The following UNC13B variants were observed in gnomAD, a reference collection of about 807,000 sequenced individuals.
UNC13B encodes the protein protein unc-13 homolog B.
In UNC13B, 144 loss-of-function variants were observed where a neutral mutation model predicts 211.0. That is an observed-to-expected ratio of 0.68 (90% CI 0.60 to 0.78). UNC13B has a LOEUF of 0.78. Among genes scored for constraint, UNC13B ranks in the 30% least tolerant of loss-of-function variants. The pLI, the probability that UNC13B is intolerant of heterozygous loss-of-function variation, is 0.00. For missense variants in UNC13B, 1,777 were observed against 2,002.0 expected, an observed-to-expected ratio of 0.89 and a Z score of 2.14; for synonymous variants, 709 against 725.8, an observed-to-expected ratio of 0.98 and a Z score of 0.37.
chr9:35,339,496 T>C (rs1831858771), intron 11 of UNC13B, among the ~76,000 whole-genome samples: 1 of 152,218 alleles, frequency 6.6e-6, no homozygotes, highest in African/African-American at 2.4e-5. Context: ...GTGGGCCCTG[T>C]AGAACAGTGG....
intron 11 of UNC13B, chr9:35,352,666 C>T: frequency 1.6e-6 from 2 of 1,231,992 alleles, no homozygotes; most frequent in Admixed American, 8.4e-5. Context: ...TACTCAAGAA[C>T]AATTTATCAA....
At chr9:35,342,649 C>G (rs1037874225) in intron 11 of UNC13B, among the ~76,000 whole-genome samples, 2 of 151,460 alleles carry the variant, frequency 1.3e-5, no homozygotes, top group African/African-American at 4.9e-5. Flanking sequence ...TCTGTTTCTC[C>G]TTTTTCATGT....
At chr9:35,188,869 A>T (rs1008242590) in intron 1 of UNC13B, among the ~76,000 whole-genome samples, 2 of 152,202 alleles carry the variant, frequency 1.3e-5, no homozygotes, top group African/African-American at 4.8e-5. Context: ...AGATGATTCC[A>T]TCTAATTTTA....
intron 11 of UNC13B, among the ~76,000 whole-genome samples, chr9:35,336,564 A>G (rs959301824): frequency 5.9e-5 from 9 of 152,108 alleles, no homozygotes; most frequent in Admixed American, 5.9e-4. Flanking sequence ...TGGTGTGATC[A>G]TGGCTCACTG....
intron 4 of UNC13B, 88 bp downstream of exon 4, chr9:35,236,674 T>C (rs973496767): frequency 1.7e-6 from 2 of 1,173,604 alleles, no homozygotes; most frequent in Admixed American, 1.8e-5. Flanking sequence ...TATTCATCCA[T>C]GCATCTTGGA....
intron 11 of UNC13B, chr9:35,352,649 T>C: frequency 8.1e-7 from 1 of 1,232,108 alleles, no homozygotes; most frequent in Non-Finnish European, 1.0e-6. Context: ...GCAAGGCCCT[T>C]GCTTTCTACT....
intron 1 of UNC13B, among the ~76,000 whole-genome samples, chr9:35,202,249 T>C (rs1364328729): frequency 6.6e-6 from 1 of 152,230 alleles, no homozygotes; most frequent in Non-Finnish European, 1.5e-5. Flanking sequence ...AGGAGTGCTT[T>C]ACTTCCAAAC....
At chr9:35,241,723 A>G (rs1057240609) in intron 5 of UNC13B, among the ~76,000 whole-genome samples, 3 of 152,214 alleles carry the variant, frequency 2.0e-5, no homozygotes, top group African/African-American at 7.2e-5. Context: ...CAGCAGCAGC[A>G]GCTCCTCTGC....
At chr9:35,379,699 C>T (rs1161535638) in intron 17 of UNC13B, among the ~76,000 whole-genome samples, 3 of 152,190 alleles carry the variant, frequency 2.0e-5, no homozygotes, top group African/African-American at 7.2e-5. Context: ...ATGAATAGAA[C>T]AATCCCTGGC....
chr9:35,375,308 A>G lies in UNC13B; in HGVS notation c.9615+107A>G, dbSNP rs942628342. 30 of 1,200,738 alleles carry G rather than the reference A, an allele frequency of 2.5e-5. No homozygotes were observed. The Admixed American group carries it at 5.0e-4, about 20-fold the overall frequency. 74.4% of individuals were successfully genotyped at this position (1,200,738 alleles called of 1,614,324 possible). On this transcript the variant is annotated intron_variant, in intron 14 of 39. Coordinates refer to ENST00000635942, the MANE Select transcript of UNC13B (RefSeq NM_001371189.2). ...AATTCTGGGAATTCAAGAGTGCTGG[A>G]CACACATTGCTGATGAAAAAGATAG...
intron 7 of UNC13B, among the ~76,000 whole-genome samples, chr9:35,286,472 A>G (rs1177865381): frequency 2.0e-5 from 3 of 151,832 alleles, no homozygotes; most frequent in Non-Finnish European, 4.4e-5. Flanking sequence ...ACCTCAAATG[A>G]TCCACCCACC....
intron 5 of UNC13B, among the ~76,000 whole-genome samples, chr9:35,239,940 T>G (rs376508702): frequency 1.3e-3 from 198 of 152,278 alleles, no homozygotes; most frequent in African/African-American, 4.5e-3. Flanking sequence ...TTTAAACAAT[T>G]TGTGCAGTTA....
chr9:35,238,803 C>T (rs1169740626), intron 5 of UNC13B, among the ~76,000 whole-genome samples: 1 of 152,090 alleles, frequency 6.6e-6, no homozygotes, highest in East Asian at 1.9e-4. Flanking sequence ...AACGATCCGC[C>T]CACCTCTGCT....
chr9:35,298,334 T>C (rs1019592830), intron 8 of UNC13B, among the ~76,000 whole-genome samples: 2 of 152,074 alleles, frequency 1.3e-5, no homozygotes, highest in African/African-American at 4.8e-5. Flanking sequence ...TTGGGAGAGA[T>C]TGCTTGAGTC....
At chr9:35,273,909 CTT>C (rs1828029726) in intron 7 of UNC13B, among the ~76,000 whole-genome samples, 1 of 152,150 alleles carries the variant, frequency 6.6e-6, no homozygotes, top group Admixed American at 6.6e-5. Flanking sequence ...TCCAGGATAC[CTT>C]TCTTTTATTC....
In UNC13B at chr9:35,162,035, G is replaced by A; in HGVS notation, c.-249G>A. ...GTCCCGGCAGCTCCTACCTCCCAGC[G>A]ATGGCGTCGCTGTGCCGCGCCCAGT... On this transcript the variant is annotated 5_prime_UTR_variant, in exon 1 of 40. Transcript: ENST00000635942. 1.8e-6 allele frequency: 1 copy of A among 550,774 alleles called. No individual in the cohort carries two copies. The highest frequency in any genetic ancestry group is 3.5e-5 in the East Asian group (1 of 28,708). 34.1% of individuals were successfully genotyped at this position (550,774 alleles called of 1,614,324 possible).
At position 35,237,763 on chromosome 9, in the gene UNC13B, T is replaced by G; in HGVS notation, c.331T>G (p.Cys111Gly). ...GACGTTAATGAAAGACGATGAGATC[T>G]GTGGAACTAGAAACCCAACTCCTCA... Reference protein sequence around the residue: ...AETLMKDDEICGTRNPTPHKI... With the variant: ...AETLMKDDEIGGTRNPTPHKI... Residue 111 changes from cysteine to glycine, a missense_variant, in exon 5 of 40, where the codon TGT (cysteine) becomes GGT (glycine). By Grantham distance (159) the Cys-to-Gly change is radical (BLOSUM62 -3). Coordinates refer to ENST00000635942, the MANE Select transcript of UNC13B (RefSeq NM_001371189.2). The G allele has an allele frequency of 6.2e-7, 1 of 1,614,024 alleles. No homozygotes were observed.
chr9:35,252,025 T>A (rs10972406), intron 6 of UNC13B, among the ~76,000 whole-genome samples: 54,053 of 152,046 alleles, frequency 0.36, 10,086 homozygotes, highest in Admixed American at 0.42. Context: ...TCATTCACTT[T>A]CCCTCATCTG....
At chr9:35,209,538 C>A (rs1034642151) in intron 1 of UNC13B, among the ~76,000 whole-genome samples, 2 of 152,026 alleles carry the variant, frequency 1.3e-5, no homozygotes, top group Admixed American at 1.3e-4. Flanking sequence ...CCACCACACC[C>A]AGCTAATTTT....
Sources: allele counts gnomAD v4.1 joint callset (sites outside exome capture counted in the v4.1 genomes callset), GRCh38; gene constraint gnomAD v4.1.1; transcripts MANE v1.5; gene names NCBI Gene and HGNC (gene_info 2026-07-23, HGNC 2026-07-21).